The following SMOC1 variants were observed in gnomAD, a reference collection of about 807,000 sequenced individuals.
SMOC1 encodes the protein SPARC related modular calcium binding 1, also known as SPARC-related modular calcium-binding protein 1.
Under a neutral mutation model 56.3 loss-of-function variants are expected in SMOC1, and 22 were observed. The observed-to-expected ratio is 0.39, with a 90% CI of 0.28 to 0.56. The LOEUF is 0.56. Among genes scored for constraint, SMOC1 ranks in the 20% least tolerant of loss-of-function variants. The pLI is 0.61. For synonymous variants in SMOC1, 193 were observed against 215.0 expected (o/e 0.90, Z 0.89); for missense variants, 509 against 565.4 (o/e 0.90, Z 1.01).
chr14:70,008,587 G>A lies in SMOC1; in HGVS notation c.665-2167G>A, dbSNP rs551479054. Among the ~76,000 whole-genome samples the A allele has an allele frequency of 5.3e-5, 8 of 152,290 alleles. No individual in the cohort carries two copies. The East Asian group carries it at 1.2e-3, about 22-fold the overall frequency. On this transcript the variant is annotated intron_variant, in intron 7 of 11. Transcript: ENST00000361956. ...GATGGCTTCTGTCCACATTTCTGAG[G>A]GTCTCGGGACCCCCAGTGGTGTGAA...
chr14:69,951,387 C>G (rs1021366455), intron 1 of SMOC1, among the ~76,000 whole-genome samples: 1 of 152,228 alleles, frequency 6.6e-6, no homozygotes, highest in African/African-American at 2.4e-5. Flanking sequence ...ATTTACTATG[C>G]GTCTTGGAGG....
At chr14:70,011,455 CCAA>C in intron 8 of SMOC1, 27 bp from the exon 9 acceptor site, 3 of 1,335,324 alleles carry the variant, frequency 2.2e-6, no homozygotes, top group Non-Finnish European at 3.2e-6. Flanking sequence ...CCAGCCCCTC[CCAA>C]CCCCCCCCAT....
chr14:69,963,557 C>T (rs576002971), intron 3 of SMOC1, among the ~76,000 whole-genome samples: 1 of 152,216 alleles, frequency 6.6e-6, no homozygotes, highest in Non-Finnish European at 1.5e-5. Context: ...TGTGCTTGTG[C>T]TGGTCCCTCC....
chr14:69,916,494 G>A (rs1404498860), intron 1 of SMOC1, among the ~76,000 whole-genome samples: 1 of 152,152 alleles, frequency 6.6e-6, no homozygotes, highest in Non-Finnish European at 1.5e-5. Flanking sequence ...ATTTTACAGC[G>A]GCTTCCAGGC....
intron 1 of SMOC1, among the ~76,000 whole-genome samples, chr14:69,925,517 C>T (rs1325949561): frequency 6.6e-6 from 1 of 152,112 alleles, no homozygotes; most frequent in African/African-American, 2.4e-5. Context: ...TTATTTTCTT[C>T]AGAGCACAGA....
chr14:70,005,734 G>A (rs931954217), intron 7 of SMOC1, among the ~76,000 whole-genome samples: 6 of 152,154 alleles, frequency 3.9e-5, no homozygotes, highest in Non-Finnish European at 7.3e-5. Context: ...CTTCTTCTCT[G>A]CACCATCTGA....
At chr14:69,977,179 C>T (rs995065728) in intron 4 of SMOC1, among the ~76,000 whole-genome samples, 4 of 152,114 alleles carry the variant, frequency 2.6e-5, no homozygotes, top group South Asian at 2.1e-4. Context: ...TTTCTTTTGG[C>T]GGGACTCCAC....
chr14:70,020,026 T>C (rs1345787563), intron 10 of SMOC1, among the ~76,000 whole-genome samples: 1 of 151,676 alleles, frequency 6.6e-6, no homozygotes, highest in African/African-American at 2.4e-5. Context: ...CCCAAACCCT[T>C]CCAGCTACTG....
chr14:69,991,035 T>G (rs1371112426), intron 5 of SMOC1, among the ~76,000 whole-genome samples: 1 of 152,162 alleles, frequency 6.6e-6, no homozygotes, highest in African/African-American at 2.4e-5. Flanking sequence ...CCCAATAAGA[T>G]GCACGAAAGT....
At chr14:70,001,374 T>G (rs1472728307) in intron 7 of SMOC1, among the ~76,000 whole-genome samples, 1 of 152,094 alleles carries the variant, frequency 6.6e-6, no homozygotes, top group Non-Finnish European at 1.5e-5. Flanking sequence ...AGGCAGGAGC[T>G]GACCACTGGG....
At chr14:70,021,691 CAG>C (rs2139611779) in intron 10 of SMOC1, among the ~76,000 whole-genome samples, 1 of 152,272 alleles carries the variant, frequency 6.6e-6, no homozygotes, top group South Asian at 2.1e-4. Flanking sequence ...AGGCATCTAA[CAG>C]GGATGGATGA....
chr14:69,903,374 C>T (rs61980619), intron 1 of SMOC1, among the ~76,000 whole-genome samples: 8,849 of 152,202 alleles, frequency 0.058, 313 homozygotes, highest in Non-Finnish European at 0.079. Flanking sequence ...AGGAGCCCCT[C>T]GGCCCGGCCG....
chr14:69,921,700 AG>A (rs1451233835), intron 1 of SMOC1, among the ~76,000 whole-genome samples: 1 of 152,220 alleles, frequency 6.6e-6, no homozygotes, highest in Non-Finnish European at 1.5e-5. Flanking sequence ...GAGCATTCCC[AG>A]GGCCTGGGCT....
At chr14:69,988,764 C>A (rs750648226) in intron 5 of SMOC1, among the ~76,000 whole-genome samples, 35 of 152,124 alleles carry the variant, frequency 2.3e-4, no homozygotes, top group Non-Finnish European at 1.0e-4. Flanking sequence ...ATAGATGTAG[C>A]CTTACTAGAC....
intron 1 of SMOC1, among the ~76,000 whole-genome samples, chr14:69,943,602 G>A (rs780671618): frequency 2.6e-5 from 4 of 152,200 alleles, no homozygotes; most frequent in Non-Finnish European, 4.4e-5. Context: ...GAGAGCAAGC[G>A]GCTGAGCCGC....
chr14:69,920,309 C>G (rs1243864727), intron 1 of SMOC1, among the ~76,000 whole-genome samples: 2 of 152,192 alleles, frequency 1.3e-5, no homozygotes, highest in Non-Finnish European at 2.9e-5. Context: ...AGAGCCAGTG[C>G]TGGATGTATT....
In SMOC1 at chr14:69,975,784, T is replaced by C; in HGVS notation, c.448T>C (p.Ser150Pro). Residue 150 changes from serine to proline, a missense_variant, in exon 4 of 12, where the codon TCT (serine) becomes CCT (proline). By Grantham distance (74) the Ser-to-Pro change is moderately conservative (BLOSUM62 -1). Transcript: ENST00000361956. ...TPDGKPISGS[S>P]VQNKTPVCSG... Reference sequence around the variant, plus strand: ...GGATGGGAAGCCCATCAGTGGCTCTTCTGTGCAGAATAAAACTCCTGTATG... The same window carrying C: ...GGATGGGAAGCCCATCAGTGGCTCTCCTGTGCAGAATAAAACTCCTGTATG... 1.2e-6 allele frequency: 2 copies of C among 1,612,656 alleles called. No homozygotes were observed. The highest frequency in any genetic ancestry group is 1.7e-6 in the Non-Finnish European group (2 of 1,179,880).
At chr14:69,946,854 G>T (rs996520685) in intron 1 of SMOC1, among the ~76,000 whole-genome samples, 5 of 152,138 alleles carry the variant, frequency 3.3e-5, no homozygotes, top group Admixed American at 6.5e-5. Flanking sequence ...TGCTGTCCTT[G>T]CAATAGTGAG....
chr14:69,929,172 C>A (rs1441235611), intron 1 of SMOC1, among the ~76,000 whole-genome samples: 1 of 152,180 alleles, frequency 6.6e-6, no homozygotes, highest in Non-Finnish European at 1.5e-5. Flanking sequence ...GCTCTATGCT[C>A]GCCCATTATG....
Sources: allele counts gnomAD v4.1 joint callset (sites outside exome capture counted in the v4.1 genomes callset), GRCh38; gene constraint gnomAD v4.1.1; transcripts MANE v1.5; gene names NCBI Gene and HGNC (gene_info 2026-07-23, HGNC 2026-07-21).